Variants in CRB1 observed in about 807,000 individuals in gnomAD.
CRB1 encodes the protein protein crumbs homolog 1.
In CRB1, 83 loss-of-function variants were observed where a neutral mutation model predicts 120.0. The observed-to-expected ratio is 0.69, with a 90% CI of 0.58 to 0.83. CRB1 has a LOEUF of 0.83. Among genes scored for constraint, CRB1 ranks in the 40% least tolerant of loss-of-function variants. CRB1 has a pLI of 0.00. For synonymous variants in CRB1, 625 were observed against 612.5 expected, an observed-to-expected ratio of 1.02 and a Z score of -0.30; for missense variants, 1,699 against 1,687.6, an observed-to-expected ratio of 1.01 and a Z score of -0.12.
the CRB1 span, among the ~76,000 whole-genome samples, chr1:197,224,158 T>G: frequency 4.6e-5 from 7 of 151,622 alleles, no homozygotes; most frequent in African/African-American, 1.7e-4. Flanking sequence ...TTAAAGCTCT[T>G]GTACTTAGCC....
At chr1:197,428,034 T>A (rs1403080492) in intron 7 of CRB1, 33 bp downstream of exon 7, 1 of 1,581,000 alleles carries the variant, frequency 6.3e-7, no homozygotes, top group South Asian at 1.1e-5. Context: ...AGGTATATAC[T>A]GTATGCTAAA....
intron 11 of CRB1, among the ~76,000 whole-genome samples, chr1:197,466,286 G>C (rs562762582): frequency 6.6e-6 from 1 of 152,290 alleles, no homozygotes; most frequent in East Asian, 1.9e-4. Context: ...GGCATAAATG[G>C]GACTAGTGAT....
intron 1 of CRB1, among the ~76,000 whole-genome samples, chr1:197,307,418 C>G (rs1345136129): frequency 6.6e-6 from 1 of 152,120 alleles, no homozygotes; most frequent in Non-Finnish European, 1.5e-5. Flanking sequence ...GTTTGCCAAA[C>G]AGCATGCAAA....
chr1:197,255,996 T>TATATATATATATATGC, the CRB1 span, among the ~76,000 whole-genome samples: 1 of 116,710 alleles, frequency 8.6e-6, no homozygotes, highest in East Asian at 3.9e-4. Context: ...TATATATATA[T>TATATATATATATATGC]ACACTACAAT....
the CRB1 span, among the ~76,000 whole-genome samples, chr1:197,257,008 A>G: frequency 6.6e-6 from 1 of 150,874 alleles, no homozygotes; most frequent in African/African-American, 2.5e-5. Flanking sequence ...CACTCCCATG[A>G]TATGCCATCT....
At chr1:197,408,516 G>A (rs1015347751) in intron 5 of CRB1, among the ~76,000 whole-genome samples, 23 of 152,124 alleles carry the variant, frequency 1.5e-4, no homozygotes, top group Non-Finnish European at 3.1e-4. Flanking sequence ...CTTGGCCTTT[G>A]ATATTTTCAT....
chr1:197,244,844 G>A, the CRB1 span, among the ~76,000 whole-genome samples: 5 of 151,492 alleles, frequency 3.3e-5, no homozygotes, highest in Non-Finnish European at 7.4e-5. Context: ...GATTCCTTAT[G>A]CTTAGTGTAT....
chr1:197,438,452 C>T, intron 9 of CRB1, 95 bp from the exon 10 acceptor site: 1 of 1,457,190 alleles, frequency 6.9e-7, no homozygotes, highest in Non-Finnish European at 9.6e-7. Flanking sequence ...ACTTAATTAG[C>T]TTGGCATTGA....
chr1:197,309,432 A>G (rs1051845394), intron 1 of CRB1, among the ~76,000 whole-genome samples: 9 of 152,212 alleles, frequency 5.9e-5, no homozygotes, highest in African/African-American at 1.9e-4. Context: ...TCCTACTTCC[A>G]TAAGTATAAC....
At chr1:197,415,984 T>G (rs1287200593) in intron 5 of CRB1, among the ~76,000 whole-genome samples, 2 of 152,142 alleles carry the variant, frequency 1.3e-5, no homozygotes, top group Non-Finnish European at 2.9e-5. Flanking sequence ...TGAAAACCTA[T>G]ATTAAATTCT....
At chr1:197,476,278 C>G (rs571695180) in intron 11 of CRB1, among the ~76,000 whole-genome samples, 1 of 151,956 alleles carries the variant, frequency 6.6e-6, no homozygotes, top group East Asian at 1.9e-4. Flanking sequence ...AATCATGTCT[C>G]ATTCCAATCT....
intron 5 of CRB1, chr1:197,360,564 T>G (rs1414959192): frequency 6.6e-6 from 1 of 152,252 alleles, no homozygotes; most frequent in East Asian, 1.9e-4. Context: ...TGGCCAAACG[T>G]GTCCAGACTT....
At chr1:197,233,636 G>C in the CRB1 span, among the ~76,000 whole-genome samples, 3 of 152,188 alleles carry the variant, frequency 2.0e-5, no homozygotes, top group Admixed American at 6.5e-5. Context: ...CATCGAGATT[G>C]GTCAACGATG....
chr1:197,273,636 G>A (rs1655026086), intron 1 of CRB1, among the ~76,000 whole-genome samples: 1 of 151,688 alleles, frequency 6.6e-6, no homozygotes, highest in African/African-American at 2.4e-5. Flanking sequence ...TGAATCTATT[G>A]ACATTTATTT....
At chr1:197,340,503 T>G (rs1414709933) in intron 2 of CRB1, among the ~76,000 whole-genome samples, 6 of 152,144 alleles carry the variant, frequency 3.9e-5, no homozygotes, top group Non-Finnish European at 8.8e-5. Context: ...ATCACATTTC[T>G]ATAGAAATGT....
chr1:197,344,285 A>G lies in CRB1; in HGVS notation c.657A>G (p.Val219=). ...CTGTGCTGACTTTTTTAAAAGGTGT[A>G]AACTGTGAATTGGAAATTGACGAAT... The part of the protein sequence containing the change: ...TCICPHNYSG[V]NCELEIDECW... Residue 219 remains valine, a synonymous_variant, in exon 3 of 12, where the codon GTA becomes GTG. Coordinates refer to ENST00000367400, the MANE Select transcript of CRB1 (RefSeq NM_201253.3). 1.2e-6 allele frequency: 2 copies of G among 1,614,150 alleles called. No homozygotes were observed. Among genetic ancestry groups the G allele is most frequent in the South Asian group, 1.1e-5 (1 of 91,080 alleles).
intron 5 of CRB1, among the ~76,000 whole-genome samples, chr1:197,416,792 C>T (rs1267064081): frequency 6.6e-6 from 1 of 152,146 alleles, no homozygotes; most frequent in Non-Finnish European, 1.5e-5. Flanking sequence ...TCACTGCAAC[C>T]TCCGCCTCCC....
At chr1:197,250,843 T>G in the CRB1 span, among the ~76,000 whole-genome samples, 4 of 151,986 alleles carry the variant, frequency 2.6e-5, no homozygotes, top group African/African-American at 9.7e-5. Context: ...CCGTGTGGTT[T>G]TTGTATGGTA....
chr1:197,289,333 C>A (rs1307372969), intron 1 of CRB1, among the ~76,000 whole-genome samples: 1 of 151,212 alleles, frequency 6.6e-6, no homozygotes, highest in South Asian at 2.1e-4. Context: ...TGTCTTTTTT[C>A]TTCTATGGAA....
Sources: allele counts gnomAD v4.1 joint callset (sites outside exome capture counted in the v4.1 genomes callset), GRCh38; gene constraint gnomAD v4.1.1; transcripts MANE v1.5; gene names NCBI Gene and HGNC (gene_info 2026-07-23, HGNC 2026-07-21).